The following DMD variants were observed in gnomAD, a reference collection of about 807,000 sequenced individuals.
DMD encodes the protein dystrophin, also known as mutant dystrophin.
Under a neutral mutation model 330.1 loss-of-function variants are expected in DMD, and 63 were observed. That is an observed-to-expected ratio of 0.19 (90% CI 0.16 to 0.24). The LOEUF is 0.24. Ranked by LOEUF, DMD falls within the 10% of genes least tolerant of loss-of-function variation. DMD has a pLI of 1.00. For missense variants in DMD, 3,344 were observed against 2,684.1 expected, an observed-to-expected ratio of 1.25 and a Z score of -5.43; for synonymous variants, 1,223 against 959.8, an observed-to-expected ratio of 1.27 and a Z score of -5.07.
intron 51 of DMD, among the ~76,000 whole-genome samples, chrX:31,763,446 C>A (rs1352949305): frequency 3.6e-5 from 4 of 111,648 alleles, no homozygotes; most frequent in African/African-American, 1.3e-4. Flanking sequence ...GCCTGTAATC[C>A]CAGCTACTCA....
At chrX:32,813,558 A>G (rs1204882392) in intron 6 of DMD, among the ~76,000 whole-genome samples, 1 of 112,117 alleles carries the variant, frequency 8.9e-6, no homozygotes, top group East Asian at 2.8e-4. Context: ...TCTACAAAAT[A>G]ATAATTGTTT....
chrX:31,697,476 A>ATTTACGAACCTC (rs2083518172), intron 52 of DMD, among the ~76,000 whole-genome samples: 1 of 111,443 alleles, frequency 9.0e-6, no homozygotes, highest in Admixed American at 9.5e-5. Context: ...ACTCAGGATG[A>ATTTACGAACCTC]CAGACTGAGA....
intron 44 of DMD, among the ~76,000 whole-genome samples, chrX:32,186,665 G>A (rs1046297070): frequency 9.0e-6 from 1 of 111,079 alleles, no homozygotes; most frequent in Non-Finnish European, 1.9e-5. Flanking sequence ...GCATTGGGGA[G>A]GTTTTGTTGA....
intron 52 of DMD, among the ~76,000 whole-genome samples, chrX:31,706,353 G>A (rs1265615214): frequency 9.1e-6 from 1 of 110,228 alleles, no homozygotes; most frequent in Non-Finnish European, 1.9e-5. Flanking sequence ...TTTGGAAAAC[G>A]ACTGAACTTG....
intron 2 of DMD, among the ~76,000 whole-genome samples, chrX:32,889,883 G>A (rs1183809504): frequency 9.0e-6 from 1 of 111,277 alleles, no homozygotes; most frequent in Admixed American, 9.5e-5. Flanking sequence ...ACTCGGAGGG[G>A]CGTGACAATC....
intron 52 of DMD, among the ~76,000 whole-genome samples, chrX:31,728,235 C>T (rs2149009380): frequency 8.9e-6 from 1 of 111,828 alleles, no homozygotes; most frequent in Non-Finnish European, 1.9e-5. Context: ...CCGTGTTAGC[C>T]AGGATGGTCT....
chrX:32,151,890 A>G (rs1265735217), intron 44 of DMD, among the ~76,000 whole-genome samples: 1 of 111,850 alleles, frequency 8.9e-6, no homozygotes, highest in African/African-American at 3.2e-5. Flanking sequence ...TTTCTCTTCC[A>G]TCTTAAAAAA....
At chrX:32,724,120 G>T (rs2066619166) in intron 7 of DMD, among the ~76,000 whole-genome samples, 1 of 111,948 alleles carries the variant, frequency 8.9e-6, no homozygotes, top group Non-Finnish European at 1.9e-5. Context: ...ACATTTAAAT[G>T]GTGCAATTCT....
chrX:31,122,315 G>GTGATTGAT (rs200430753), intron 78 of DMD, among the ~76,000 whole-genome samples: 76 of 111,446 alleles, frequency 6.8e-4, no homozygotes, highest in African/African-American at 2.4e-3. Context: ...TTGGCTATGA[G>GTGATTGAT]TGATTGATTG....
At chrX:32,679,902 CTTTTTTTTTTTTTTTTTT>C (rs766270656) in intron 9 of DMD, among the ~76,000 whole-genome samples, 1 of 23,580 alleles carries the variant, frequency 4.2e-5, no homozygotes, top group Non-Finnish European at 7.2e-5. Context: ...AATATTTGTA[CTTTTTTTTTTTTTTTTTT>C]TTTTTTTTTT....
chrX:32,249,389 A>G (rs1384165655), intron 43 of DMD, among the ~76,000 whole-genome samples: 2 of 111,646 alleles, frequency 1.8e-5, no homozygotes, highest in Non-Finnish European at 3.8e-5. Flanking sequence ...CTTTGAATCT[A>G]TGGTCTCCCA....
intron 2 of DMD, among the ~76,000 whole-genome samples, chrX:32,977,741 T>C (rs2092595488): frequency 9.1e-6 from 1 of 110,452 alleles, no homozygotes; most frequent in South Asian, 3.8e-4. Flanking sequence ...CTGATATCTA[T>C]ATATGTACAT....
At chrX:31,184,055 C>A (rs951983942) in intron 67 of DMD, among the ~76,000 whole-genome samples, 7 of 110,045 alleles carry the variant, frequency 6.4e-5, no homozygotes, top group African/African-American at 2.3e-4. Flanking sequence ...ACCATGGGCA[C>A]ACGCCACCCC....
chrX:32,093,249 T>C (rs767844953), intron 44 of DMD, among the ~76,000 whole-genome samples: 2 of 112,273 alleles, frequency 1.8e-5, no homozygotes, highest in Non-Finnish European at 3.8e-5. Flanking sequence ...TTCTTTTCAA[T>C]TCATCCACTG....
chrX:32,954,945 G>C (rs757608349), intron 2 of DMD, among the ~76,000 whole-genome samples: 2 of 111,980 alleles, frequency 1.8e-5, no homozygotes, highest in Admixed American at 9.5e-5. Flanking sequence ...TCTATCATTG[G>C]TGGGCATTTA....
At chrX:32,468,388 T>G (rs2040273546) in intron 23 of DMD, 110 bp downstream of exon 23, 1 of 688,780 alleles carries the variant, frequency 1.5e-6, no homozygotes, top group Admixed American at 2.9e-5. Flanking sequence ...CTCACTAACT[T>G]TGAAAGATGC....
At chrX:33,310,096 C>G (rs113245808) in intron 1 of DMD, among the ~76,000 whole-genome samples, 134 of 110,829 alleles carry the variant, frequency 1.2e-3, no homozygotes, top group African/African-American at 4.1e-3. Flanking sequence ...ATTAAAATAA[C>G]AACAACAAAA....
intron 9 of DMD, among the ~76,000 whole-genome samples, chrX:32,649,463 G>A (rs1157340412): frequency 9.3e-6 from 1 of 107,533 alleles, no homozygotes; most frequent in Non-Finnish European, 1.9e-5. Context: ...TGAGGTAGGA[G>A]GAGAAAGGCG....
At chrX:31,620,696 T>G (rs2078481705) in intron 55 of DMD, among the ~76,000 whole-genome samples, 1 of 111,492 alleles carries the variant, frequency 9.0e-6, no homozygotes, top group Non-Finnish European at 1.9e-5. Context: ...ATTATATGCA[T>G]GAGCCACCAC....
Sources: gnomAD v4.1 joint callset for allele counts (sites outside exome capture counted in the v4.1 genomes callset) on GRCh38, gnomAD v4.1.1 for gene constraint, MANE v1.5 for transcripts, NCBI Gene and HGNC (gene_info 2026-07-23, HGNC 2026-07-21) for gene names.